Variants in ADCY2 observed in about 807,000 individuals in gnomAD.
ADCY2 encodes adenylate cyclase 2, also known as adenylate cyclase type 2.
Under a neutral mutation model 125.2 loss-of-function variants are expected in ADCY2, and 31 were observed. The observed-to-expected ratio is 0.25, with a 90% confidence interval of 0.19 to 0.33. The LOEUF is 0.33. Ranked by LOEUF, ADCY2 falls within the 10% of genes least tolerant of loss-of-function variation. The pLI, the probability that ADCY2 is intolerant of heterozygous loss-of-function variation, is 1.00. For missense variants in ADCY2, 904 were observed against 1,418.2 expected, an observed-to-expected ratio of 0.64 and a Z score of 5.82; for synonymous variants, 512 against 548.4, an observed-to-expected ratio of 0.93 and a Z score of 0.93.
chr5:7,826,962 G>A lies in ADCY2; in HGVS notation c.*91G>A, dbSNP rs1273066538. 6.8e-7 allele frequency: 1 copy of A among 1,474,130 alleles called. No individual in the cohort carries two copies. 91.3% of individuals were successfully genotyped at this position (1,474,130 alleles called of 1,614,324 possible). ...AACTTCTGTCCCTTGTTTTTGATGT[G>A]CGTGCTGTCTGTCCTATGGAGCCTC... On this transcript the variant is annotated 3_prime_UTR_variant, in exon 25 of 25. Transcript: ENST00000338316.
In ADCY2 at chr5:7,564,639, T is replaced by C. The variant is rs79715662; in HGVS notation, c.570+43740T>C. On this transcript the variant is annotated intron_variant, in intron 3 of 24. Coordinates refer to ENST00000338316, the MANE Select transcript of ADCY2 (RefSeq NM_020546.3). ...AACTCAAATCGCTCTCTGCTCATAGTTATTGTTTCTCTAGATTATGAACTA... is the reference window on the plus strand; with the variant it reads ...AACTCAAATCGCTCTCTGCTCATAGCTATTGTTTCTCTAGATTATGAACTA... Among the ~76,000 whole-genome samples the C allele has an allele frequency of 4.6e-4, 70 of 152,214 alleles. No homozygotes were observed. The East Asian group carries it at 6.6e-3, about 14-fold the overall frequency.
intron 14 of ADCY2, among the ~76,000 whole-genome samples, chr5:7,736,019 A>G (rs545353176): frequency 1.3e-5 from 2 of 152,278 alleles, no homozygotes; most frequent in East Asian, 3.9e-4. Flanking sequence ...ACAACATGGC[A>G]AAACCCCTGG....
In ADCY2 at chr5:7,439,291, A is replaced by G. The variant is rs941638417; in HGVS notation, c.408+24521A>G. On this transcript the variant is annotated intron_variant, in intron 2 of 24. Transcript: ENST00000338316. ...TGGGCAGGCCTCACAATCATGGCTCAAGGTGAATGAGGAGCAAAGACACGT... is the reference window on the plus strand; with the variant it reads ...TGGGCAGGCCTCACAATCATGGCTCGAGGTGAATGAGGAGCAAAGACACGT... Among the ~76,000 whole-genome samples, 15 of 152,244 alleles carry G rather than the reference A, an allele frequency of 9.9e-5. No individual in the cohort carries two copies. The South Asian group carries it at 2.1e-3, about 21-fold the overall frequency.
chr5:7,696,981 A>G (rs1295209204), intron 6 of ADCY2, among the ~76,000 whole-genome samples: 1 of 152,082 alleles, frequency 6.6e-6, no homozygotes, highest in Non-Finnish European at 1.5e-5. Context: ...ATAAAAGGTC[A>G]TTTTTGTTGG....
chr5:7,745,418 G>A (rs1218868893), intron 15 of ADCY2, among the ~76,000 whole-genome samples: 3 of 152,212 alleles, frequency 2.0e-5, no homozygotes, highest in African/African-American at 4.8e-5. Context: ...TGTGGCTTCT[G>A]CTTTACCCAA....
rs966797344 is a variant in ADCY2, at chr5:7,501,648, C to T, written c.409-19090C>T. ...CAAAAAAGAATGAGATTCCCCCCTC[C>T]CCCCCCCCCCGCCAGTAACTTCAAG... On this transcript the variant is annotated intron_variant, in intron 2 of 24. Transcript: ENST00000338316. Among the ~76,000 whole-genome samples, 3 of 81,124 alleles carry T rather than the reference C, an allele frequency of 3.7e-5. 1 individual carries two copies. In the South Asian group the frequency reaches 2.4e-3, roughly 64 times the overall value. The allele number at this position is 81,124 out of a possible 152,430, so 53.2% of individuals were successfully genotyped here. A position where few individuals can be genotyped will look rare whatever the true frequency, so the allele number is the denominator to read the frequency against.
At chr5:7,771,630 T>G (rs970212671) in intron 17 of ADCY2, among the ~76,000 whole-genome samples, 1 of 152,178 alleles carries the variant, frequency 6.6e-6, no homozygotes, top group African/African-American at 2.4e-5. Flanking sequence ...ATATGATCAC[T>G]GCAAGCTCCT....
intron 4 of ADCY2, among the ~76,000 whole-genome samples, chr5:7,673,796 G>A (rs906895798): frequency 6.6e-6 from 1 of 152,134 alleles, no homozygotes; most frequent in Non-Finnish European, 1.5e-5. Context: ...CCTCAGAGCA[G>A]GGCTGGGAGG....
intron 22 of ADCY2, among the ~76,000 whole-genome samples, chr5:7,811,732 T>C (rs908193519): frequency 5.9e-5 from 9 of 152,026 alleles, no homozygotes; most frequent in Non-Finnish European, 1.3e-4. Flanking sequence ...ATTATTCTGC[T>C]CCCTCCTTCC....
In ADCY2 at chr5:7,727,204, C is replaced by T. The variant is rs1319668885; in HGVS notation, c.1814C>T (p.Thr605Ile). Residue 605 changes from threonine to isoleucine, a missense_variant, in exon 14 of 25, where the codon ACT becomes ATT. Thr to Ile is a moderately conservative substitution (Grantham distance 89, BLOSUM62 -1). Transcript: ENST00000338316. ...TALPAFKYYV[T>I]CACLIFFCIF... ...CTGCCAGCGTTCAAGTATTATGTGA[C>T]TTGTGCCTGTCTCATATTCTTCTGC... 5.0e-6 allele frequency: 8 copies of T among 1,614,164 alleles called. No individual in the cohort carries two copies. Among genetic ancestry groups the T allele is most frequent in the Non-Finnish European group, 6.8e-6 (8 of 1,180,018 alleles).
At chr5:7,419,371 G>A (rs767348199) in intron 2 of ADCY2, among the ~76,000 whole-genome samples, 2 of 152,170 alleles carry the variant, frequency 1.3e-5, no homozygotes, top group Non-Finnish European at 2.9e-5. Context: ...CGCCAGACAT[G>A]GAGCCCCTGT....
intron 3 of ADCY2, among the ~76,000 whole-genome samples, chr5:7,537,029 TC>T (rs1305849319): frequency 7.0e-6 from 1 of 142,040 alleles, no homozygotes; most frequent in East Asian, 2.1e-4. Flanking sequence ...ATTCTGTATA[TC>T]CTATAGAAAT....
chr5:7,414,606 G>C lies in ADCY2; in HGVS notation c.244G>C (p.Val82Leu). ...VEDHVAFLIT[V>L]PTALAIFFAI... Reference sequence around the variant, plus strand: ...AGACCATGTGGCGTTTCTAATAACAGTTCCAACTGCCCTGGCGATTTTCTT... The same window carrying C: ...AGACCATGTGGCGTTTCTAATAACACTTCCAACTGCCCTGGCGATTTTCTT... The change falls in exon 2 of 25, where the codon GTT becomes CTT. Residue 82 changes from valine to leucine, a missense_variant. Physicochemically the swap from Val to Leu is conservative, Grantham distance 32 (BLOSUM62 1). Coordinates refer to ENST00000338316, the MANE Select transcript of ADCY2 (RefSeq NM_020546.3). The C allele has an allele frequency of 6.2e-7, 1 of 1,613,042 alleles. No individual in the cohort carries two copies.
intron 9 of ADCY2, among the ~76,000 whole-genome samples, chr5:7,708,550 A>C (rs550161266): frequency 5.3e-5 from 8 of 152,326 alleles, no homozygotes; most frequent in African/African-American, 1.9e-4. Context: ...GGGGTTATGT[A>C]ATTCTTCCCA....
chr5:7,408,422 C>T lies in ADCY2; in HGVS notation c.211-6151C>T, dbSNP rs929877445. On this transcript the variant is annotated intron_variant, in intron 1 of 24. Transcript: ENST00000338316. The stretch of plus-strand genomic sequence containing the variant: ...TTGCTGTGTCACCCAGGCTGGCATA[C>T]AGTGGCACAATCTCGGCTCACTGCA... Among the ~76,000 whole-genome samples the T allele has an allele frequency of 4.6e-5, 7 of 151,984 alleles. No individual in the cohort carries two copies. In the South Asian group the frequency reaches 6.2e-4, roughly 14 times the overall value.
At chr5:7,754,869 A>G (rs1003541091) in intron 15 of ADCY2, among the ~76,000 whole-genome samples, 1 of 152,148 alleles carries the variant, frequency 6.6e-6, no homozygotes, top group Non-Finnish European at 1.5e-5. Flanking sequence ...CAGGAAAAAA[A>G]AAAAGAAAAA....
intron 2 of ADCY2, among the ~76,000 whole-genome samples, chr5:7,491,926 A>T (rs1483583875): frequency 6.6e-6 from 1 of 152,228 alleles, no homozygotes. Flanking sequence ...ATTAAATTTT[A>T]AAAAGAACTA....
chr5:7,409,413 T>C (rs541916283), intron 1 of ADCY2, among the ~76,000 whole-genome samples: 1 of 152,340 alleles, frequency 6.6e-6, no homozygotes, highest in East Asian at 1.9e-4. Context: ...AAAATTCACA[T>C]TATGTTTTAC....
rs35389731 is a variant in ADCY2, at chr5:7,481,519, G to A, written c.409-39219G>A. ...CTTGACCTCATGATCCGCTTGCCTC[G>A]GCCTCCCAAAGTGCTGGGATTACAG... is the stretch of plus-strand genomic sequence containing the variant. On this transcript the variant is annotated intron_variant, in intron 2 of 24. Transcript: ENST00000338316. 4.2e-3 allele frequency among the ~76,000 whole-genome samples: 630 copies of A among 151,328 alleles called. 2 individuals are homozygous for A. The highest frequency in any genetic ancestry group is 0.015 in the South Asian group (70 of 4,746).
Sources: gnomAD v4.1 joint callset for allele counts (sites outside exome capture counted in the v4.1 genomes callset) on GRCh38, gnomAD v4.1.1 for gene constraint, MANE v1.5 for transcripts, NCBI Gene and HGNC (gene_info 2026-07-23, HGNC 2026-07-21) for gene names.